The following LMBRD2 variants were observed in gnomAD, a reference collection of about 807,000 sequenced individuals.
LMBRD2 encodes the protein G protein-coupled receptor-associated protein LMBRD2.
In LMBRD2, 55 loss-of-function variants were observed where a neutral mutation model predicts 94.4. The ratio of observed to expected loss-of-function variants is 0.58; its 90% CI spans 0.47 to 0.73. The LOEUF (loss-of-function observed/expected upper bound fraction) is 0.73. Among genes scored for constraint, LMBRD2 ranks in the 30% least tolerant of loss-of-function variants. The probability of loss-of-function intolerance (pLI) is 0.00; values close to 1 mark genes in which losing one functional copy is unlikely to be tolerated. For missense variants in LMBRD2, 640 were observed against 831.9 expected, an observed-to-expected ratio of 0.77 and a Z score of 2.84; for synonymous variants, 246 against 272.4, an observed-to-expected ratio of 0.90 and a Z score of 0.95.
At chr5:36,108,248 C>T (rs1480110891) in intron 16 of LMBRD2, among the ~76,000 whole-genome samples, 1 of 152,148 alleles carries the variant, frequency 6.6e-6, no homozygotes, top group Non-Finnish European at 1.5e-5. Flanking sequence ...TAGAAATAAA[C>T]ACCTGCCTAG....
At chr5:36,124,346 A>C in intron 6 of LMBRD2, 81 bp from the exon 7 acceptor site, 1 of 731,114 alleles carries the variant, frequency 1.4e-6, no homozygotes, top group Non-Finnish European at 2.2e-6. Flanking sequence ...TAGGTACTAT[A>C]TATTTTCTCA....
chr5:36,146,821 G>A (rs1460303469), intron 1 of LMBRD2, among the ~76,000 whole-genome samples: 2 of 152,160 alleles, frequency 1.3e-5, no homozygotes, highest in African/African-American at 2.4e-5. Flanking sequence ...TATTTAAAGT[G>A]CACAACAGTG....
chr5:36,114,612 T>C (rs1743694981), intron 12 of LMBRD2, 91 bp from the exon 13 acceptor site: 3 of 1,353,028 alleles, frequency 2.2e-6, no homozygotes, highest in Admixed American at 6.3e-5. Flanking sequence ...TAACCAGTTA[T>C]ATCAATCCAT....
At position 36,136,292 on chromosome 5, in the gene LMBRD2, G is replaced by T. The variant is rs781398603; in HGVS notation, c.747+17C>A. 6.2e-7 allele frequency: 1 copy of T among 1,610,612 alleles called. No homozygotes were observed. Among genetic ancestry groups the T allele is most frequent in the Non-Finnish European group, 8.5e-7 (1 of 1,176,880 alleles). ...ATGACTTAGTGACTATTGCTTATAA[G>T]GTTCAAACTTGCTTACCTCCATGGC... On this transcript the variant is annotated intron_variant, in intron 6 of 17. Transcript: ENST00000296603.
intron 11 of LMBRD2, among the ~76,000 whole-genome samples, chr5:36,116,085 T>A (rs1028219749): frequency 6.6e-6 from 1 of 152,108 alleles, no homozygotes; most frequent in African/African-American, 2.4e-5. Context: ...TCAGGAAAAA[T>A]TGTTCTTGTT....
intron 15 of LMBRD2, among the ~76,000 whole-genome samples, chr5:36,109,366 C>T (rs1480799907): frequency 6.6e-6 from 1 of 151,956 alleles, no homozygotes; most frequent in Non-Finnish European, 1.5e-5. Flanking sequence ...GTTCTGCATT[C>T]TAAAATAAAG....
intron 1 of LMBRD2, among the ~76,000 whole-genome samples, chr5:36,143,706 T>C (rs1388812845): frequency 6.6e-6 from 1 of 152,156 alleles, no homozygotes; most frequent in Non-Finnish European, 1.5e-5. Context: ...TGAACAGTTT[T>C]AATACAGTGT....
At chr5:36,116,701 G>A in intron 10 of LMBRD2, 108 bp from the exon 11 acceptor site, 1 of 1,109,580 alleles carries the variant, frequency 9.0e-7, no homozygotes, top group South Asian at 1.5e-5. Flanking sequence ...TTTTGAGATG[G>A]AGTCTCGCCC....
At chr5:36,140,382 A>G (rs1322965352) in intron 4 of LMBRD2, among the ~76,000 whole-genome samples, 4 of 152,184 alleles carry the variant, frequency 2.6e-5, no homozygotes, top group Non-Finnish European at 5.9e-5. Context: ...GCTAAGTGCA[A>G]CCTGCCAGGC....
intron 4 of LMBRD2, among the ~76,000 whole-genome samples, chr5:36,139,416 T>C (rs1744349432): frequency 6.6e-6 from 1 of 152,130 alleles, no homozygotes; most frequent in Admixed American, 6.5e-5. Flanking sequence ...TGATTGATGG[T>C]GGCAGGAGGC....
At chr5:36,106,159 C>A (rs934698314) in intron 16 of LMBRD2, among the ~76,000 whole-genome samples, 1 of 152,132 alleles carries the variant, frequency 6.6e-6, no homozygotes, top group Admixed American at 6.6e-5. Flanking sequence ...CCAGGTCTTT[C>A]TATTCTGTAA....
At chr5:36,108,681 T>C in intron 15 of LMBRD2, 42 bp from the exon 16 acceptor site, 1 of 895,560 alleles carries the variant, frequency 1.1e-6, no homozygotes, top group Non-Finnish European at 1.7e-6. Context: ...GAACAGAAAA[T>C]AATTCATTAA....
At chr5:36,123,041 T>C in intron 7 of LMBRD2, 80 bp from the exon 8 acceptor site, 1 of 1,305,940 alleles carries the variant, frequency 7.7e-7, no homozygotes, top group Non-Finnish European at 1.0e-6. Context: ...AATCTTTCAT[T>C]CTTGAGCAGT....
At position 36,122,951 on chromosome 5, in the gene LMBRD2, T is replaced by G. The variant is rs747441804; in HGVS notation, c.833A>C (p.Glu278Ala). Residue 278 changes from glutamate (E) to alanine (A), a missense_variant, in exon 8 of 18, where the codon GAG becomes GCG. Transcript: ENST00000296603. ...VDTILKKCPT[E>A]YQEKMGRNMD... ...GTTCCTACCCATTTTTTCCTGATAC[T>G]CTGTAGGGCACTAAAAAAAAAAAAA... The G allele has an allele frequency of 1.3e-6, 2 of 1,509,760 alleles. No homozygotes were observed. Among genetic ancestry groups the G allele is most frequent in the Non-Finnish European group, 1.8e-6 (2 of 1,140,106 alleles). 93.5% of individuals were successfully genotyped at this position (1,509,760 alleles called of 1,614,324 possible). A position where few individuals can be genotyped will look rare whatever the true frequency, so the allele number is the denominator to read the frequency against.
chr5:36,140,317 C>T (rs74792877), intron 4 of LMBRD2, among the ~76,000 whole-genome samples: 1 of 152,260 alleles, frequency 6.6e-6, no homozygotes, highest in African/African-American at 2.4e-5. Flanking sequence ...ACACCCCTCA[C>T]CACTCCATGC....
chr5:36,101,259 G>T lies in LMBRD2; in HGVS notation c.*2787C>A, dbSNP rs960465608. 6.6e-6 allele frequency: 1 copy of T among 151,832 alleles called. No homozygotes were observed. Among genetic ancestry groups the T allele is most frequent in the East Asian group, 1.9e-4 (1 of 5,202 alleles). 9.4% of individuals were successfully genotyped at this position (151,832 alleles called of 1,614,324 possible). Reference sequence around the variant, plus strand: ...ATAACAAGTTATTTATGTTGTAAAAGAAGTTAATTAGTAATTTAGAGGTGA... The same window carrying T: ...ATAACAAGTTATTTATGTTGTAAAATAAGTTAATTAGTAATTTAGAGGTGA... On this transcript the variant is annotated 3_prime_UTR_variant, in exon 18 of 18. Coordinates refer to ENST00000296603, the MANE Select transcript of LMBRD2 (RefSeq NM_001007527.2).
Position 36,115,032 on chromosome 5 carries a change from G to A in LMBRD2, c.1525C>T (p.Pro509Ser), listed in dbSNP as rs996182183. 1 of 1,599,108 alleles carries A rather than the reference G, an allele frequency of 6.3e-7. No homozygotes were observed. The highest frequency in any genetic ancestry group is 1.3e-5 in the African/African-American group (1 of 74,504). The change falls in exon 12 of 18, where the codon CCA becomes TCA. Residue 509 changes from proline (P) to serine (S), a missense_variant. Physicochemically the swap from Pro to Ser is moderately conservative, Grantham distance 74. Transcript: ENST00000296603. Reference sequence around the variant, plus strand: ...GTACTTACAGATGTATAAGCAGTTGGTTGAGTATTCTTGTGAGAGATAGAT... The same window carrying A: ...GTACTTACAGATGTATAAGCAGTTGATTGAGTATTCTTGTGAGAGATAGAT... Reference protein sequence around the residue: ...DSSISHKNTQPTAYTSIMGSM... With the variant: ...DSSISHKNTQSTAYTSIMGSM...
intron 15 of LMBRD2, among the ~76,000 whole-genome samples, chr5:36,109,087 C>T (rs182067729): frequency 2.4e-4 from 36 of 152,184 alleles, no homozygotes; most frequent in Non-Finnish European, 3.5e-4. Flanking sequence ...TGTGTGTTAT[C>T]TTAAATGCAG....
chr5:36,144,951 A>C (rs565443618), intron 1 of LMBRD2, among the ~76,000 whole-genome samples: 1 of 152,270 alleles, frequency 6.6e-6, no homozygotes, highest in East Asian at 1.9e-4. Context: ...AATTATCTAA[A>C]ATTGAACTTC....
Sources: allele counts gnomAD v4.1 joint callset (sites outside exome capture counted in the v4.1 genomes callset), GRCh38; gene constraint gnomAD v4.1.1; transcripts MANE v1.5; gene names NCBI Gene and HGNC (gene_info 2026-07-23, HGNC 2026-07-21).